KLHL1: variants seen among roughly 807,000 people sequenced by gnomAD.
KLHL1 encodes kelch-like protein 1.
A neutral mutation model predicts 77.7 loss-of-function variants in KLHL1; 47 were observed. The observed-to-expected ratio is 0.60, with a 90% CI of 0.48 to 0.77. The LOEUF is 0.77. KLHL1 is among the 30% of genes least tolerant of loss of function. KLHL1 has a pLI of 0.00. For synonymous variants in KLHL1, 360 were observed against 325.2 expected (o/e 1.11, Z -1.15); for missense variants, 925 against 910.8 (o/e 1.02, Z -0.20).
intron 1 of KLHL1, among the ~76,000 whole-genome samples, chr13:70,067,154 A>G (rs1887028286): frequency 6.6e-6 from 1 of 152,208 alleles, no homozygotes; most frequent in Admixed American, 6.5e-5. Flanking sequence ...CAAGTATTCA[A>G]TGTCAACCTA....
At chr13:70,084,622 C>CTTTTGTTTTTTTT (rs1887481890) in intron 1 of KLHL1, among the ~76,000 whole-genome samples, 1 of 14,956 alleles carries the variant, frequency 6.7e-5, no homozygotes, top group Non-Finnish European at 1.0e-4. Context: ...CCACGCCAGG[C>CTTTTGTTTTTTTT]TTTTTTTTTT....
chr13:69,979,393 A>G (rs1034833822), intron 1 of KLHL1, among the ~76,000 whole-genome samples: 6 of 152,022 alleles, frequency 3.9e-5, no homozygotes, highest in African/African-American at 1.4e-4. Flanking sequence ...CCTCAACCTT[A>G]TACTTAATAT....
intron 1 of KLHL1, among the ~76,000 whole-genome samples, chr13:70,020,990 G>T (rs75069642): frequency 6.6e-6 from 1 of 151,900 alleles, no homozygotes; most frequent in Admixed American, 6.6e-5. Flanking sequence ...CCCCACCAGA[G>T]TGATACATTC....
intron 7 of KLHL1, among the ~76,000 whole-genome samples, chr13:69,741,689 G>C (rs555011091): frequency 6.6e-6 from 1 of 152,048 alleles, no homozygotes. Context: ...ATTTTCCTTA[G>C]AGCATTTACT....
intron 1 of KLHL1, among the ~76,000 whole-genome samples, chr13:69,988,012 G>A (rs758543881): frequency 4.3e-4 from 65 of 151,608 alleles, no homozygotes; most frequent in Non-Finnish European, 6.8e-4. Context: ...TTATAGAGGC[G>A]AACTCATGAC....
chr13:69,968,793 C>A (rs1884296199), intron 2 of KLHL1, among the ~76,000 whole-genome samples: 2 of 152,064 alleles, frequency 1.3e-5, no homozygotes, highest in South Asian at 4.2e-4. Context: ...GTATATGCGC[C>A]ACATTTTCTT....
At chr13:70,063,433 T>C (rs77280428) in intron 1 of KLHL1, among the ~76,000 whole-genome samples, 2,891 of 152,216 alleles carry the variant, frequency 0.019, 86 homozygotes, top group African/African-American at 0.064. Context: ...ACATGGCTTC[T>C]GACTTGATCA....
At chr13:70,034,343 T>C (rs536267137) in intron 1 of KLHL1, among the ~76,000 whole-genome samples, 1 of 152,314 alleles carries the variant, frequency 6.6e-6, no homozygotes, top group South Asian at 2.1e-4. Context: ...AGAAATTCTC[T>C]TCCCTATTCC....
At chr13:70,067,516 G>T (rs1033825320) in intron 1 of KLHL1, among the ~76,000 whole-genome samples, 5 of 152,100 alleles carry the variant, frequency 3.3e-5, no homozygotes, top group African/African-American at 1.2e-4. Flanking sequence ...ATGATACGCA[G>T]ATGATCTCAG....
intron 1 of KLHL1, among the ~76,000 whole-genome samples, chr13:70,046,372 T>A (rs1489788984): frequency 6.6e-6 from 1 of 152,218 alleles, no homozygotes; most frequent in African/African-American, 2.4e-5. Context: ...GAAGAACATG[T>A]CACTCAGAAG....
At chr13:69,890,705 T>C (rs542245903) in intron 4 of KLHL1, among the ~76,000 whole-genome samples, 1 of 151,942 alleles carries the variant, frequency 6.6e-6, no homozygotes, top group Admixed American at 6.6e-5. Context: ...GAACTACCAT[T>C]CTTTAATCTG....
chr13:69,709,842 T>C (rs1875797622), intron 9 of KLHL1, among the ~76,000 whole-genome samples: 1 of 151,798 alleles, frequency 6.6e-6, no homozygotes, highest in African/African-American at 2.4e-5. Flanking sequence ...GGGGAGTTAA[T>C]TGTATCAGTT....
intron 1 of KLHL1, among the ~76,000 whole-genome samples, chr13:70,061,919 C>G (rs1886899136): frequency 6.6e-6 from 1 of 152,136 alleles, no homozygotes; most frequent in Non-Finnish European, 1.5e-5. Flanking sequence ...TATATCAACT[C>G]AAACATTTTT....
chr13:69,963,583 A>G (rs868332360), intron 2 of KLHL1, among the ~76,000 whole-genome samples: 90 of 152,146 alleles, frequency 5.9e-4, no homozygotes, highest in Non-Finnish European at 1.1e-3. Flanking sequence ...TCTACACAAA[A>G]ACAAGCTGCA....
chr13:69,736,956 G>A (rs1241967785), intron 8 of KLHL1, among the ~76,000 whole-genome samples: 1 of 152,090 alleles, frequency 6.6e-6, no homozygotes, highest in Non-Finnish European at 1.5e-5. Flanking sequence ...AGGAAAAAAT[G>A]GCAAGTGAAT....
chr13:70,095,091 T>C (rs1593739542), intron 1 of KLHL1, among the ~76,000 whole-genome samples: 1 of 152,264 alleles, frequency 6.6e-6, no homozygotes, highest in Non-Finnish European at 1.5e-5. Flanking sequence ...GAAGAGTGAT[T>C]GAAAGCACAA....
chr13:69,825,590 A>G (rs1878512754), intron 6 of KLHL1, among the ~76,000 whole-genome samples: 1 of 152,180 alleles, frequency 6.6e-6, no homozygotes, highest in Non-Finnish European at 1.5e-5. Context: ...TTAATTTTAT[A>G]GTAGATAGAG....
At chr13:69,868,302 A>G (rs1285716769) in intron 5 of KLHL1, among the ~76,000 whole-genome samples, 2 of 152,126 alleles carry the variant, frequency 1.3e-5, no homozygotes, top group Non-Finnish European at 2.9e-5. Context: ...CATACACAAC[A>G]TATATTTAAA....
chr13:69,959,552 C>G (rs577705646), intron 3 of KLHL1, among the ~76,000 whole-genome samples: 89 of 124,248 alleles, frequency 7.2e-4, no homozygotes, highest in African/African-American at 2.4e-3. Flanking sequence ...TTTCAGACTA[C>G]TCATTAAAAA....
Sources: gnomAD v4.1 joint callset for allele counts (sites outside exome capture counted in the v4.1 genomes callset) on GRCh38, gnomAD v4.1.1 for gene constraint, MANE v1.5 for transcripts, NCBI Gene and HGNC (gene_info 2026-07-23, HGNC 2026-07-21) for gene names.